The following DIP2A variants were observed in gnomAD, a reference collection of about 807,000 sequenced individuals.
DIP2A encodes the protein disco-interacting protein 2 homolog A.
In DIP2A, 85 loss-of-function variants were observed where a neutral mutation model predicts 177.4. The observed-to-expected ratio is 0.48, with a 90% CI of 0.40 to 0.57. The LOEUF (loss-of-function observed/expected upper bound fraction) is 0.57. Ranked by LOEUF, DIP2A falls within the 20% of genes least tolerant of loss-of-function variation. DIP2A has a pLI of 0.00. For synonymous variants in DIP2A, 886 were observed against 881.8 expected, an observed-to-expected ratio of 1.00 and a Z score of -0.08; for missense variants, 1,791 against 2,100.2, an observed-to-expected ratio of 0.85 and a Z score of 2.88.
At chr21:46,496,012 C>CA in intron 3 of DIP2A, among the ~76,000 whole-genome samples, 1 of 151,878 alleles carries the variant, frequency 6.6e-6, no homozygotes, top group East Asian at 2.0e-4. Flanking sequence ...GCGGAGATTG[C>CA]AGTGAGCTGA....
intron 8 of DIP2A, among the ~76,000 whole-genome samples, chr21:46,524,526 G>T (rs181901876): frequency 6.6e-6 from 1 of 152,072 alleles, no homozygotes; most frequent in Non-Finnish European, 1.5e-5. Context: ...GGAATTCACC[G>T]GGAAGATGTT....
intron 6 of DIP2A, among the ~76,000 whole-genome samples, chr21:46,506,040 G>T (rs753660857): frequency 6.6e-6 from 1 of 152,130 alleles, no homozygotes; most frequent in African/African-American, 2.4e-5. Flanking sequence ...TCTTGTATAC[G>T]TTTTTGCATA....
At chr21:46,552,228 A>G (rs1249935117) in intron 25 of DIP2A, among the ~76,000 whole-genome samples, 1 of 152,226 alleles carries the variant, frequency 6.6e-6, no homozygotes, top group Non-Finnish European at 1.5e-5. Context: ...AACAGTATAC[A>G]TGTAAATATT....
chr21:46,557,614 T>C lies in DIP2A; in HGVS notation c.3659T>C (p.Val1220Ala). ...SVYSGHQSVL[V>A]PPLELESNVS... ...TACTCGGGACACCAATCAGTGCTGG[T>C]GCCCCCGCTGGAGCTGGAGAGCAAC... is the stretch of plus-strand genomic sequence containing the variant. The change falls in exon 31 of 38, where the codon GTG (valine) becomes GCG (alanine). Residue 1220 changes from valine (V) to alanine (A), a missense_variant. Transcript: ENST00000417564. The surrounding 1 kb of genome is among the most constrained non-coding windows in gnomAD (Gnocchi z 6.0). 6.2e-7 allele frequency: 1 copy of C among 1,613,248 alleles called. No homozygotes were observed. The highest frequency in any genetic ancestry group is 2.2e-5 in the East Asian group (1 of 44,852).
Position 46,503,571 on chromosome 21 carries a change from T to TCTTCCTTC in DIP2A, c.656-754_656-747dup, listed in dbSNP as rs911345370. On this transcript the variant is annotated intron_variant, in intron 5 of 37. Transcript: ENST00000417564. Reference sequence around the variant, plus strand: ...TTGTTTCTGCTTCCTTGAGGGAATTTCTTCCTTCCTTCCTTCCTTCCTTCC... The same window carrying TCTTCCTTC: ...TTGTTTCTGCTTCCTTGAGGGAATTTCTTCCTTCCTTCCTTCCTTCCTTCCTTCCTTCC... Among the ~76,000 whole-genome samples, 113 of 83,726 alleles carry TCTTCCTTC rather than the reference T, an allele frequency of 1.3e-3. 1 individual carries two copies. The highest frequency in any genetic ancestry group is 3.6e-3 in the East Asian group (9 of 2,506). The allele number at this position is 83,726 out of a possible 152,430, so 54.9% of individuals were successfully genotyped here.
intron 6 of DIP2A, among the ~76,000 whole-genome samples, chr21:46,506,521 C>G (rs959461772): frequency 2.0e-5 from 3 of 152,176 alleles, no homozygotes; most frequent in African/African-American, 7.2e-5. Context: ...CACACCCTTT[C>G]CAACAGTTGG....
intron 21 of DIP2A, among the ~76,000 whole-genome samples, chr21:46,548,581 A>G (rs889676428): frequency 2.0e-5 from 3 of 152,268 alleles, no homozygotes; most frequent in East Asian, 3.8e-4. Context: ...AGTAGATGGA[A>G]TACATAAAAT....
chr21:46,496,838 A>T, intron 3 of DIP2A, 150 bp from the exon 4 acceptor site: 1 of 670,886 alleles, frequency 1.5e-6, no homozygotes. Flanking sequence ...AGAAATATTT[A>T]AAGAAATCTA....
intron 18 of DIP2A, among the ~76,000 whole-genome samples, chr21:46,542,128 A>T (rs2059845311): frequency 6.6e-6 from 1 of 152,160 alleles, no homozygotes; most frequent in Admixed American, 6.5e-5. Flanking sequence ...CAAGTAAAAG[A>T]TTTCTCAAGA....
At chr21:46,551,768 G>A in intron 24 of DIP2A, 25 bp downstream of exon 24, 1 of 1,613,648 alleles carries the variant, frequency 6.2e-7, no homozygotes, top group Non-Finnish European at 8.5e-7. Context: ...CCGGGGACGG[G>A]TGGACGGGTG....
At position 46,496,982 on chromosome 21, in the gene DIP2A, G is replaced by C; in HGVS notation, c.284-6G>C. On this transcript the variant is annotated splice_region_variant and splice_polypyrimidine_tract_variant and intron_variant, in intron 3 of 37. Coordinates refer to ENST00000417564, the MANE Select transcript of DIP2A (RefSeq NM_015151.4). ...AAGTATTTTTACTGCTGTCCTTCCT[G>C]TGTAGATGTCCACACTGAAGCCGTG... 6.2e-7 allele frequency: 1 copy of C among 1,611,316 alleles called. No individual in the cohort carries two copies. The highest frequency in any genetic ancestry group is 8.5e-7 in the Non-Finnish European group (1 of 1,179,168).
intron 32 of DIP2A, chr21:46,558,788 G>A (rs965439783): frequency 3.7e-6 from 1 of 272,960 alleles, no homozygotes; most frequent in African/African-American, 2.3e-5. Context: ...ACCATGAAAT[G>A]TCTTATTAAA....
chr21:46,575,424 A>G, the DIP2A span, among the ~76,000 whole-genome samples: 1 of 152,180 alleles, frequency 6.6e-6, no homozygotes, highest in Non-Finnish European at 1.5e-5. Flanking sequence ...GGAAGCTCTT[A>G]GAGCAATTAG....
At chr21:46,490,835 T>G (rs1258269509) in intron 3 of DIP2A, 116 bp downstream of exon 3, 4 of 1,301,178 alleles carry the variant, frequency 3.1e-6, no homozygotes, top group Non-Finnish European at 4.1e-6. Context: ...AGAAATTATT[T>G]TCACATAAGC....
chr21:46,573,379 AC>A (rs2060978871), downstream of DIP2A, among the ~76,000 whole-genome samples: 1 of 152,008 alleles, frequency 6.6e-6, no homozygotes, highest in African/African-American at 2.4e-5. Context: ...AAATATATTC[AC>A]TGGGCACAGT....
the DIP2A span, among the ~76,000 whole-genome samples, chr21:46,575,755 GAAAT>G: frequency 6.6e-6 from 1 of 152,118 alleles, no homozygotes; most frequent in Non-Finnish European, 1.5e-5. Flanking sequence ...ACAATACAAA[GAAAT>G]AAGTGGAAAG....
chr21:46,497,620 T>C (rs919145683), intron 4 of DIP2A, among the ~76,000 whole-genome samples: 2 of 152,248 alleles, frequency 1.3e-5, no homozygotes, highest in African/African-American at 4.8e-5. Flanking sequence ...CTAGCAATAA[T>C]GTATTTTAGT....
At chr21:46,506,782 C>CT (rs1374760696) in intron 6 of DIP2A, among the ~76,000 whole-genome samples, 12 of 73,148 alleles carry the variant, frequency 1.6e-4, no homozygotes, top group African/African-American at 4.2e-4. Context: ...CTTTTCTTTT[C>CT]TTTCTTTTCT....
At chr21:46,583,547 T>A in the DIP2A span, among the ~76,000 whole-genome samples, 8 of 152,228 alleles carry the variant, frequency 5.3e-5, no homozygotes, top group African/African-American at 1.9e-4. Context: ...TTGATATAGT[T>A]TGAATTTTTG....
Sources: gnomAD v4.1 joint callset for allele counts (sites outside exome capture counted in the v4.1 genomes callset) on GRCh38, gnomAD v4.1.1 for gene constraint, Gnocchi (gnomAD v3.1) non-coding constraint, MANE v1.5 for transcripts, NCBI Gene and HGNC (gene_info 2026-07-23, HGNC 2026-07-21) for gene names.